DVL1: variants seen among roughly 807,000 people sequenced by gnomAD.
The protein encoded by DVL1 is dishevelled segment polarity protein 1.
Under a neutral mutation model 65.0 loss-of-function variants are expected in DVL1, and 49 were observed. The observed-to-expected ratio is 0.75, with a 90% CI of 0.60 to 0.96. The LOEUF (loss-of-function observed/expected upper bound fraction) is 0.96. Ranked by LOEUF, DVL1 falls within the 40% of genes least tolerant of loss-of-function variation. The pLI is 0.00. For synonymous variants in DVL1, 608 were observed against 433.9 expected, an observed-to-expected ratio of 1.40 and a Z score of -4.99; for missense variants, 1,197 against 1,045.4, an observed-to-expected ratio of 1.15 and a Z score of -2.00.
chr1:1,341,743 T>G lies in DVL1; in HGVS notation c.529A>C (p.Ser177Arg), dbSNP rs1410351034. ...RRRDVGLPPD[S>R]ASTALSSELE... The stretch of plus-strand genomic sequence containing the variant: ...TCGCTGCTGAGGGCGGTGGACGCGC[T>G]GTCTGGGGGCAGCCCCACATCCCGC... The change falls in exon 5 of 15, where the codon AGC becomes CGC. Residue 177 changes from serine (S) to arginine (R), a missense_variant. By Grantham distance (110) the Ser-to-Arg change is moderately radical (BLOSUM62 -1). Transcript: ENST00000378888. The G allele has an allele frequency of 6.2e-7, 1 of 1,609,980 alleles. No homozygotes were observed. The highest frequency in any genetic ancestry group is 8.5e-7 in the Non-Finnish European group (1 of 1,178,234).
chr1:1,339,662 T>C lies in DVL1; in HGVS notation c.987-13A>G. 1 of 1,611,478 alleles carries C rather than the reference T, an allele frequency of 6.2e-7. No homozygotes were observed. The highest frequency in any genetic ancestry group is 1.7e-5 in the Admixed American group (1 of 59,946). ...GAGGCTGATGGGCCTGCAGGAACGG[T>C]GGTCACACAGCAAGGCCCCCATGGT... On this transcript the variant is annotated splice_polypyrimidine_tract_variant and intron_variant, in intron 9 of 14. Transcript: ENST00000378888.
chr1:1,340,310 A>G lies in DVL1; in HGVS notation c.706T>C (p.Ser236Pro). The G allele has an allele frequency of 6.2e-7, 1 of 1,613,900 alleles. No individual in the cohort carries two copies. The highest frequency in any genetic ancestry group is 8.5e-7 in the Non-Finnish European group (1 of 1,179,972). The change falls in exon 7 of 15, where the codon TCC becomes CCC. Residue 236 changes from serine (S) to proline (P), a missense_variant. Transcript: ENST00000378888. The part of the protein sequence containing the change: ...QRLRQADRAS[S>P]FSSITDSTMS... The stretch of plus-strand genomic sequence containing the variant: ...GTGGAGTCGGTTATGCTGCTGAAGG[A>G]GGAGGCCTATGGAGGAGAGGGGGCG...
Position 1,335,896 on chromosome 1 carries a change from C to T in DVL1, c.*246G>A. 1 of 585,746 alleles carries T rather than the reference C, an allele frequency of 1.7e-6. No homozygotes were observed. Among genetic ancestry groups the T allele is most frequent in the South Asian group, 2.0e-5 (1 of 49,640 alleles). 36.3% of individuals were successfully genotyped at this position (585,746 alleles called of 1,614,324 possible). A position where few individuals can be genotyped will look rare whatever the true frequency, so the allele number is the denominator to read the frequency against. On this transcript the variant is annotated 3_prime_UTR_variant, in exon 15 of 15. Coordinates refer to ENST00000378888, the MANE Select transcript of DVL1 (RefSeq NM_001330311.2). ...TCCCAGGAGGGATCCCCACCAGACA[C>T]AAGGGGTTGGGAGGTCCGAGGCTCT...
At chr1:1,345,754 C>G (rs921542627) in intron 1 of DVL1, among the ~76,000 whole-genome samples, 63 of 152,324 alleles carry the variant, frequency 4.1e-4, no homozygotes, top group Non-Finnish European at 1.0e-4. Context: ...CCCGAATGCA[C>G]CCCATTCTCC....
rs777173993 is a variant in DVL1, at chr1:1,336,168, A to G, written c.2062T>C (p.Cys688Arg). Residue 688 changes from cysteine to arginine, a missense_variant, in exon 15 of 15, where the codon TGC becomes CGC. Cys to Arg is a radical substitution (Grantham distance 180, BLOSUM62 -3). Transcript: ENST00000378888. ...CACATGATGTCCACGAAGAACTCGC[A>G]GGGGTTCCCCATAGCCTTCTGGAAG... is the stretch of plus-strand genomic sequence containing the variant. ...QSFQKAMGNP[C>R]EFFVDIM 1 of 1,575,402 alleles carries G rather than the reference A, an allele frequency of 6.3e-7. No individual in the cohort carries two copies.
rs1222505297 is a variant in DVL1 at position 1,336,075 on chromosome 1, G to T, written c.*67C>A. The T allele has an allele frequency of 2.6e-6, 4 of 1,530,188 alleles. No individual in the cohort carries two copies. Among genetic ancestry groups the T allele is most frequent in the African/African-American group, 2.7e-5 (2 of 73,180 alleles). 94.8% of individuals were successfully genotyped at this position (1,530,188 alleles called of 1,614,324 possible). ...CTGGCCCCCACGAAGGCAAGCCCAC[G>T]CGAGCTCTGCATGCGGCAGGACCGC... is the stretch of plus-strand genomic sequence containing the variant. On this transcript the variant is annotated 3_prime_UTR_variant, in exon 15 of 15. Transcript: ENST00000378888.
At position 1,338,266 on chromosome 1, in the gene DVL1, C is replaced by G. The variant is rs1239370210; in HGVS notation, c.1507+3G>C. Reference sequence around the variant, plus strand: ...CGCCCTGAAGCCCGAAGCCCCCACTCACTGCTGCAGAGATCCCCGAAGACG... The same window carrying G: ...CGCCCTGAAGCCCGAAGCCCCCACTGACTGCTGCAGAGATCCCCGAAGACG... On this transcript the variant is annotated splice_donor_region_variant and intron_variant, in intron 13 of 14. Transcript: ENST00000378888. The G allele has an allele frequency of 1.9e-6, 3 of 1,605,104 alleles. No homozygotes were observed. The highest frequency in any genetic ancestry group is 3.4e-5 in the Admixed American group (2 of 59,628).
At chr1:1,347,743 C>A (rs1487880778) in intron 1 of DVL1, among the ~76,000 whole-genome samples, 2 of 152,226 alleles carry the variant, frequency 1.3e-5, no homozygotes, top group Non-Finnish European at 2.9e-5. Flanking sequence ...GAAAACAAAC[C>A]GCCCCCTCCT....
intron 14 of DVL1, chr1:1,337,609 G>A (rs937762493): frequency 4.8e-5 from 20 of 419,404 alleles, no homozygotes; most frequent in South Asian, 2.0e-4. Context: ...ACCACCAGCC[G>A]CCACCCCTAC....
chr1:1,339,495 A>G, intron 10 of DVL1, 56 bp from the exon 11 acceptor site: 64 of 731,660 alleles, frequency 8.7e-5, no homozygotes, highest in Non-Finnish European at 1.2e-4. Flanking sequence ...GTGGGAGGGC[A>G]GGGTGCAGGG....
rs545815556 is a variant in DVL1 at position 1,341,119 on chromosome 1, G to A, written c.605+548C>T. 1.0e-3 allele frequency among the ~76,000 whole-genome samples: 131 copies of A among 131,486 alleles called. 1 individual carries two copies. Among genetic ancestry groups the A allele is most frequent in the African/African-American group, 3.7e-3 (123 of 33,366 alleles). The allele number at this position is 131,486 out of a possible 152,430, so 86.3% of individuals were successfully genotyped here. A position where few individuals can be genotyped will look rare whatever the true frequency, so the allele number is the denominator to read the frequency against. On this transcript the variant is annotated intron_variant, in intron 5 of 14. Transcript: ENST00000378888. ...CACCTGCACACACCTGCACACGCAC[G>A]CCTGCACATGCACACCTGCACGCAC...
At chr1:1,341,098 T>A (rs307364) in intron 5 of DVL1, among the ~76,000 whole-genome samples, 1 of 147,406 alleles carries the variant, frequency 6.8e-6, no homozygotes, top group African/African-American at 2.5e-5. Flanking sequence ...CAGGCACACC[T>A]GCACACACCT....
chr1:1,338,773 G>C (rs947394294), intron 11 of DVL1, 120 bp from the exon 12 acceptor site: 116 of 1,431,140 alleles, frequency 8.1e-5, no homozygotes, highest in Non-Finnish European at 1.0e-4. Flanking sequence ...TGGACGGTGC[G>C]TGACAGCAGG....
chr1:1,339,021 AC>A (rs1338911223), intron 11 of DVL1, among the ~76,000 whole-genome samples: 9 of 151,970 alleles, frequency 5.9e-5, no homozygotes, highest in African/African-American at 1.9e-4. Context: ...CAGAATGGAG[AC>A]CTGGCCCCTG....
intron 6 of DVL1, 21 bp from the exon 7 acceptor site, chr1:1,340,337 G>T (rs751346564): frequency 6.2e-7 from 1 of 1,613,922 alleles, no homozygotes; most frequent in African/African-American, 1.3e-5. Context: ...GAGGGGGCGT[G>T]TGTAAAAGGC....
Position 1,335,575 on chromosome 1 carries a change from G to A in DVL1, c.*567C>T, listed in dbSNP as rs1388787009. On this transcript the variant is annotated 3_prime_UTR_variant, in exon 15 of 15. Coordinates refer to ENST00000378888, the MANE Select transcript of DVL1 (RefSeq NM_001330311.2). ...TGCCCTGGCTGGGACACGGTGGGCA[G>A]GATGTCCAGCCCTCTCTCGTCTTCC... 8.4e-5 allele frequency: 13 copies of A among 154,922 alleles called. No individual in the cohort carries two copies. The allele number at this position is 154,922 out of a possible 1,614,324, so 9.6% of individuals were successfully genotyped here.
At chr1:1,337,322 C>A (rs529353557) in intron 14 of DVL1, among the ~76,000 whole-genome samples, 1 of 152,164 alleles carries the variant, frequency 6.6e-6, no homozygotes, top group Non-Finnish European at 1.5e-5. Flanking sequence ...CCCTGCTGGC[C>A]TCACCAACCC....
intron 13 of DVL1, 36 bp downstream of exon 13, chr1:1,338,233 C>CCCCCCCCCCCCCA: frequency 6.6e-7 from 1 of 1,518,916 alleles, no homozygotes; most frequent in Non-Finnish European, 9.1e-7. Flanking sequence ...CGGCGTTCCC[C>CCCCCCCCCCCCCA]TCCCCCCCGC....
intron 14 of DVL1, chr1:1,337,687 G>C (rs1028462461): frequency 6.6e-6 from 4 of 605,786 alleles, no homozygotes; most frequent in African/African-American, 5.5e-5. Flanking sequence ...AGATGAGGTG[G>C]GGTCCAGGCT....
Sources: gnomAD v4.1 joint callset for allele counts (sites outside exome capture counted in the v4.1 genomes callset) on GRCh38, gnomAD v4.1.1 for gene constraint, MANE v1.5 for transcripts, NCBI Gene and HGNC (gene_info 2026-07-23, HGNC 2026-07-21) for gene names.